The following FNDC3A variants were observed in gnomAD, a reference collection of about 807,000 sequenced individuals.
FNDC3A encodes fibronectin type III domain containing 3A.
Under a neutral mutation model 148.9 loss-of-function variants are expected in FNDC3A, and 32 were observed. The ratio of observed to expected loss-of-function variants is 0.21; its 90% CI spans 0.16 to 0.29. The LOEUF is 0.29. FNDC3A is among the 10% of genes least tolerant of loss of function. FNDC3A has a pLI of 1.00. For missense variants in FNDC3A, 1,191 were observed against 1,452.8 expected (o/e 0.82, Z 2.93); for synonymous variants, 472 against 473.6 (o/e 1.00, Z 0.04).
At chr13:49,122,823 A>C (rs1313199155) in intron 4 of FNDC3A, among the ~76,000 whole-genome samples, 1 of 152,190 alleles carries the variant, frequency 6.6e-6, no homozygotes, top group Non-Finnish European at 1.5e-5. Flanking sequence ...GGAGAACTAC[A>C]AACCGCTGCT....
intron 3 of FNDC3A, among the ~76,000 whole-genome samples, chr13:49,102,997 G>A (rs1323004954): frequency 6.6e-6 from 1 of 152,172 alleles, no homozygotes. Flanking sequence ...GTCAATACAA[G>A]CACTAGCACT....
chr13:49,159,869 A>G (rs1883977085), intron 8 of FNDC3A, among the ~76,000 whole-genome samples: 2 of 152,186 alleles, frequency 1.3e-5, no homozygotes, highest in African/African-American at 4.8e-5. Flanking sequence ...GCATCTATTG[A>G]GATAAACATG....
chr13:49,106,787 A>AAAAAAAAAC, intron 3 of FNDC3A, among the ~76,000 whole-genome samples: 1 of 150,828 alleles, frequency 6.6e-6, no homozygotes, highest in Non-Finnish European at 1.5e-5. Flanking sequence ...AAAAAAAAAA[A>AAAAAAAAAC]AAAAAACCAA....
chr13:49,105,836 C>A (rs139463072), intron 3 of FNDC3A, among the ~76,000 whole-genome samples: 161 of 152,136 alleles, frequency 1.1e-3, no homozygotes, highest in African/African-American at 3.0e-3. Context: ...GCCAGTTTTG[C>A]AAAATGGTTG....
chr13:49,038,441 A>G (rs946403043), intron 2 of FNDC3A, among the ~76,000 whole-genome samples: 1 of 152,184 alleles, frequency 6.6e-6, no homozygotes, highest in African/African-American at 2.4e-5. Flanking sequence ...GGAAATTAGG[A>G]CATAGACACA....
Position 49,018,427 on chromosome 13 carries a change from T to A in FNDC3A, c.99+12138T>A, listed in dbSNP as rs1432615334. Among the ~76,000 whole-genome samples the A allele has an allele frequency of 3.3e-5, 5 of 152,342 alleles. No individual in the cohort carries two copies. In the East Asian group the frequency reaches 7.7e-4, roughly 23 times the overall value. On this transcript the variant is annotated intron_variant, in intron 2 of 25. Coordinates refer to ENST00000492622, the MANE Select transcript of FNDC3A (RefSeq NM_001079673.2). ...GAGGCTTCTGCATTCTTCACGTAGT[T>A]CTCGAGCGTTGGTTTTCAGCTCCAT...
At chr13:49,133,795 A>G (rs1275557283) in intron 5 of FNDC3A, among the ~76,000 whole-genome samples, 1 of 152,226 alleles carries the variant, frequency 6.6e-6, no homozygotes, top group Admixed American at 6.5e-5. Flanking sequence ...GCAAGGCCAC[A>G]CTGCTAGTTA....
At chr13:49,173,108 G>GC (rs1416437776) in intron 11 of FNDC3A, among the ~76,000 whole-genome samples, 2 of 146,722 alleles carry the variant, frequency 1.4e-5, no homozygotes, top group African/African-American at 5.5e-5. Context: ...GCCGCATGTG[G>GC]CCCTTGGGCC....
At chr13:49,093,664 A>G (rs570698179) in intron 3 of FNDC3A, among the ~76,000 whole-genome samples, 1 of 152,310 alleles carries the variant, frequency 6.6e-6, no homozygotes, top group East Asian at 1.9e-4. Flanking sequence ...CTTCTCAAAC[A>G]TAGAGTACCT....
At chr13:49,191,827 A>G (rs1049860228) in intron 19 of FNDC3A, among the ~76,000 whole-genome samples, 1 of 152,310 alleles carries the variant, frequency 6.6e-6, no homozygotes, top group East Asian at 1.9e-4. Flanking sequence ...GCCCAAATGA[A>G]AAAAAACTTA....
In FNDC3A at chr13:49,174,504, TC is replaced by T; in HGVS notation, c.1301del (p.Ser434TyrfsTer42). 6.2e-7 allele frequency: 1 copy of T among 1,612,692 alleles called. No homozygotes were observed. Among genetic ancestry groups the T allele is most frequent in the Non-Finnish European group, 8.5e-7 (1 of 1,178,912 alleles). On this transcript the variant is annotated frameshift_variant, in exon 12 of 26. Coordinates refer to ENST00000492622, the MANE Select transcript of FNDC3A (RefSeq NM_001079673.2). LOFTEE classifies it high-confidence loss of function. The stretch of plus-strand genomic sequence containing the variant: ...GAAACAATTTAAAATTACTAAACTT[TC>T]ACCAGCAATGGGCTGTAAATTCAGA... ...SQKQFKITKLSPAMGCKFRLS... is the reference protein window; with the variant it reads ...SQKQFKITKLXPAMGCKFRLS...
At chr13:49,013,504 G>A (rs528128024) in intron 2 of FNDC3A, among the ~76,000 whole-genome samples, 180 of 151,366 alleles carry the variant, frequency 1.2e-3, no homozygotes, top group East Asian at 7.8e-4. Context: ...ATGTACATGC[G>A]TATACATATG....
intron 2 of FNDC3A, among the ~76,000 whole-genome samples, chr13:49,013,170 C>G (rs963325782): frequency 6.6e-6 from 1 of 151,844 alleles, no homozygotes; most frequent in Non-Finnish European, 1.5e-5. Context: ...ATAAAATTAG[C>G]CAGGTGTGGT....
At chr13:48,987,832 A>G (rs566964532) in intron 1 of FNDC3A, 2 of 152,366 alleles carry the variant, frequency 1.3e-5, no homozygotes, top group South Asian at 4.1e-4. Flanking sequence ...AACTATGGCT[A>G]TAATCACTGC....
In FNDC3A at chr13:49,131,197, C is replaced by T. The variant is rs77990203; in HGVS notation, c.313C>T (p.Pro105Ser). ...GGTCCCTCAGGCACCAGAGTTTCAC[C>T]CTGGTAGTCACACAGTTCTCCACCG... The part of the protein sequence containing the change: ...VVVPQAPEFH[P>S]GSHTVLHRSP... Residue 105 changes from proline to serine, a missense_variant, in exon 5 of 26, where the codon CCT (proline) becomes TCT (serine). Physicochemically the swap from Pro to Ser is moderately conservative, Grantham distance 74. Around this residue, in one of 3 missense-constraint regions of FNDC3A, gnomAD observed 426 missense variants for 473.2 expected, o/e 0.90. Coordinates refer to ENST00000492622, the MANE Select transcript of FNDC3A (RefSeq NM_001079673.2). 124 of 1,613,912 alleles carry T rather than the reference C, an allele frequency of 7.7e-5. No homozygotes were observed. The African/African-American group carries it at 1.3e-3, about 17-fold the overall frequency.
chr13:49,095,761 C>T (rs529140343), intron 3 of FNDC3A, among the ~76,000 whole-genome samples: 4 of 152,166 alleles, frequency 2.6e-5, no homozygotes, highest in African/African-American at 7.2e-5. Context: ...CATTCTAACC[C>T]AGGGGCAAAC....
intron 5 of FNDC3A, among the ~76,000 whole-genome samples, chr13:49,134,839 C>T (rs1188324828): frequency 9.5e-4 from 4 of 4,202 alleles, no homozygotes; most frequent in Non-Finnish European, 1.4e-3. Flanking sequence ...TGGAGTTTCA[C>T]TCTTTTTTTT....
rs530946566 is a variant in FNDC3A at position 49,034,451 on chromosome 13, G to A, written c.99+28162G>A. Among the ~76,000 whole-genome samples, 15 of 152,126 alleles carry A rather than the reference G, an allele frequency of 9.9e-5. No individual in the cohort carries two copies. The South Asian group carries it at 3.1e-3, about 31-fold the overall frequency. ...TGCAGAGTTAGAAATAACAGTATTT[G>A]TTATCCATATAACTTTCATCACAAA... On this transcript the variant is annotated intron_variant, in intron 2 of 25. Coordinates refer to ENST00000492622, the MANE Select transcript of FNDC3A (RefSeq NM_001079673.2).
intron 1 of FNDC3A, among the ~76,000 whole-genome samples, chr13:49,003,732 A>G (rs1195825480): frequency 1.3e-5 from 2 of 152,152 alleles, no homozygotes; most frequent in African/African-American, 4.8e-5. Context: ...ACATTGTTTA[A>G]TTTGACACTA....
Sources: allele counts gnomAD v4.1 joint callset (sites outside exome capture counted in the v4.1 genomes callset), GRCh38; gene constraint gnomAD v4.1.1; regional missense constraint gnomAD v4.1.1; transcripts MANE v1.5; gene names NCBI Gene and HGNC (gene_info 2026-07-23, HGNC 2026-07-21).